Variants in SCN9A observed in about 807,000 individuals in gnomAD.
SCN9A encodes sodium channel protein type 9 subunit alpha.
A neutral mutation model predicts 187.0 loss-of-function variants in SCN9A; 131 were observed. That is an observed-to-expected ratio of 0.70 (90% CI 0.61 to 0.81). The LOEUF (loss-of-function observed/expected upper bound fraction) is 0.81. SCN9A is among the 30% of genes least tolerant of loss of function. The pLI is 0.00. For missense variants in SCN9A, 2,252 were observed against 2,396.6 expected (o/e 0.94, Z 1.26); for synonymous variants, 809 against 808.6 (o/e 1.00, Z -0.01).
chr2:166,309,174 CTT>C (rs1326411660), intron 2 of SCN9A, among the ~76,000 whole-genome samples: 1 of 151,960 alleles, frequency 6.6e-6, no homozygotes, highest in African/African-American at 2.4e-5. Flanking sequence ...ATCAGGGAGA[CTT>C]TATAAACCGG....
intron 7 of SCN9A, chr2:166,300,927 A>T (rs1395170180): frequency 6.7e-6 from 1 of 150,174 alleles, no homozygotes; most frequent in African/African-American, 2.5e-5. Flanking sequence ...TATTTTTGAG[A>T]CAGTTTCGCT....
At chr2:166,286,767 A>G (rs1574868881) in intron 10 of SCN9A, 144 bp from the exon 11 acceptor site, 1 of 574,310 alleles carries the variant, frequency 1.7e-6, no homozygotes, top group East Asian at 3.2e-5. Flanking sequence ...TTTTCTTTAC[A>G]CAATGATCAG....
intron 18 of SCN9A, among the ~76,000 whole-genome samples, chr2:166,250,513 A>G (rs577475653): frequency 5.3e-5 from 8 of 152,248 alleles, no homozygotes; most frequent in Admixed American, 5.2e-4. Flanking sequence ...CAGGCAGATA[A>G]GTCGGCAAAT....
rs543238593 is a variant in SCN9A, at chr2:166,209,921, T to A, written c.4399-5457A>T. ...TGGCGATTCCTCAAGGATCTAGAAC[T>A]AGAAATACCATTTGACCCAGCCATC... On this transcript the variant is annotated intron_variant, in intron 24 of 26. Transcript: ENST00000642356. 3.9e-5 allele frequency among the ~76,000 whole-genome samples: 6 copies of A among 152,210 alleles called. 1 individual carries two copies. In the South Asian group the frequency reaches 1.2e-3, roughly 32 times the overall value.
intron 17 of SCN9A, among the ~76,000 whole-genome samples, chr2:166,266,869 A>G (rs762492500): frequency 6.6e-6 from 1 of 151,904 alleles, no homozygotes; most frequent in South Asian, 2.1e-4. Context: ...TTGTTAACAT[A>G]TAGAAATAAT....
chr2:166,279,268 T>A (rs1315114191), intron 14 of SCN9A, among the ~76,000 whole-genome samples: 1 of 152,116 alleles, frequency 6.6e-6, no homozygotes, highest in Non-Finnish European at 1.5e-5. Context: ...TGTAGACAAT[T>A]TAGAAGAAAA....
At chr2:166,233,511 T>C in intron 20 of SCN9A, 49 bp from the exon 21 acceptor site, 2 of 1,476,698 alleles carry the variant, frequency 1.4e-6, no homozygotes, top group Non-Finnish European at 1.8e-6. Flanking sequence ...TGATGAAGCA[T>C]AAAAGGAAAA....
intron 1 of SCN9A, among the ~76,000 whole-genome samples, chr2:166,335,985 A>G (rs1007377817): frequency 7.2e-5 from 11 of 152,120 alleles, no homozygotes; most frequent in Non-Finnish European, 1.3e-4. Flanking sequence ...TAATCTAGAG[A>G]TGATTTAAAG....
intron 1 of SCN9A, among the ~76,000 whole-genome samples, chr2:166,358,058 ATTT>A (rs1559061391): frequency 1.3e-5 from 2 of 148,770 alleles, no homozygotes; most frequent in African/African-American, 4.9e-5. Flanking sequence ...TTATTTATTT[ATTT>A]ATTTATTTAT....
At chr2:166,321,589 A>G (rs1470492949) in intron 1 of SCN9A, 1 of 151,990 alleles carries the variant, frequency 6.6e-6, no homozygotes, top group Admixed American at 6.6e-5. Context: ...AGTCTCTATT[A>G]TGTTCAATTA....
At chr2:166,337,178 T>C (rs1393975942) in intron 1 of SCN9A, among the ~76,000 whole-genome samples, 1 of 152,122 alleles carries the variant, frequency 6.6e-6, no homozygotes, top group African/African-American at 2.4e-5. Context: ...GAAATGGCAG[T>C]TGAACTCGGG....
intron 2 of SCN9A, among the ~76,000 whole-genome samples, chr2:166,309,040 C>G (rs1698854895): frequency 6.6e-6 from 1 of 151,304 alleles, no homozygotes; most frequent in Non-Finnish European, 1.5e-5. Context: ...CAAGGAACTT[C>G]CTAGAAAAAT....
At chr2:166,230,655 C>G (rs535719873) in intron 21 of SCN9A, among the ~76,000 whole-genome samples, 1 of 152,108 alleles carries the variant, frequency 6.6e-6, no homozygotes, top group East Asian at 1.9e-4. Flanking sequence ...CAGACTTCCC[C>G]GGATAGCCAC....
intron 24 of SCN9A, among the ~76,000 whole-genome samples, chr2:166,214,676 G>A (rs904860965): frequency 5.3e-5 from 8 of 150,032 alleles, no homozygotes; most frequent in Non-Finnish European, 8.9e-5. Context: ...TACCACGCCC[G>A]GCTAATTTTT....
rs534590465 is a variant in SCN9A, at chr2:166,361,581, A to T, written c.-51+14116T>A. On this transcript the variant is annotated intron_variant, in intron 1 of 26. Coordinates refer to ENST00000642356, the MANE Select transcript of SCN9A (RefSeq NM_001365536.1). ...GGTTTGATAAATGTGGATACACTGA[A>T]CACACCGAGGATGTTGAAAGATTTA... 1.2e-3 allele frequency among the ~76,000 whole-genome samples: 190 copies of T among 152,246 alleles called. 1 individual carries two copies. Among genetic ancestry groups the T allele is most frequent in the African/African-American group, 4.5e-3 (187 of 41,568 alleles).
At chr2:166,367,307 G>C (rs574575080) in intron 1 of SCN9A, among the ~76,000 whole-genome samples, 10 of 152,086 alleles carry the variant, frequency 6.6e-5, no homozygotes, top group African/African-American at 2.4e-4. Flanking sequence ...CTGTTGCCCA[G>C]GCAGGAGTGC....
At chr2:166,316,529 C>T (rs993732101) in intron 1 of SCN9A, among the ~76,000 whole-genome samples, 2 of 152,126 alleles carry the variant, frequency 1.3e-5, no homozygotes, top group Admixed American at 6.5e-5. Flanking sequence ...CCTGTCTCTA[C>T]TAAAAGTACA....
rs150991753 is a variant in SCN9A at position 166,324,950 on chromosome 2, T to C, written c.-50-13144A>G. On this transcript the variant is annotated intron_variant, in intron 1 of 26. Transcript: ENST00000642356. ...TAGTGAAAAACTAAGGAACTCTGAA[T>C]AGGGTAAGGGCATTTGTTAATAATA... is the stretch of plus-strand genomic sequence containing the variant. Among the ~76,000 whole-genome samples the C allele has an allele frequency of 2.2e-4, 33 of 152,260 alleles. No homozygotes were observed. In the East Asian group the frequency reaches 6.0e-3, roughly 28 times the overall value.
intron 17 of SCN9A, among the ~76,000 whole-genome samples, chr2:166,271,356 A>AT (rs1201207343): frequency 2.0e-5 from 3 of 152,154 alleles, no homozygotes; most frequent in African/African-American, 7.2e-5. Context: ...AGTATTAACA[A>AT]TTTAATAGAT....
Sources: gnomAD v4.1 joint callset for allele counts (sites outside exome capture counted in the v4.1 genomes callset) on GRCh38, gnomAD v4.1.1 for gene constraint, MANE v1.5 for transcripts, NCBI Gene and HGNC (gene_info 2026-07-23, HGNC 2026-07-21) for gene names.